The following RGS6 variants were observed in gnomAD, a reference collection of about 807,000 sequenced individuals.
The protein encoded by RGS6 is regulator of G-protein signaling 6.
In RGS6, 30 loss-of-function variants were observed where a neutral mutation model predicts 78.5. The ratio of observed to expected loss-of-function variants is 0.38; its 90% CI spans 0.29 to 0.52. The LOEUF is 0.52. RGS6 is among the 20% of genes least tolerant of loss of function. The pLI is 0.85. For missense variants in RGS6, 495 were observed against 609.7 expected (o/e 0.81, Z 1.98); for synonymous variants, 206 against 206.0 (o/e 1.00, Z 0.00).
the RGS6 span, among the ~76,000 whole-genome samples, chr14:72,590,057 T>C: frequency 6.6e-5 from 10 of 152,322 alleles, no homozygotes; most frequent in African/African-American, 2.2e-4. Flanking sequence ...ACATTAGTAG[T>C]CATCAGAGAA....
intron 2 of RGS6, among the ~76,000 whole-genome samples, chr14:72,112,187 G>C (rs866083616): frequency 6.6e-6 from 1 of 152,172 alleles, no homozygotes; most frequent in Non-Finnish European, 1.5e-5. Flanking sequence ...GGCCCGGGAG[G>C]CTGTCCCAGC....
intron 2 of RGS6, among the ~76,000 whole-genome samples, chr14:72,341,457 A>G (rs1423935650): frequency 6.6e-6 from 1 of 152,194 alleles, no homozygotes; most frequent in Non-Finnish European, 1.5e-5. Context: ...TGTATAATAC[A>G]TATGTATGCA....
intron 2 of RGS6, among the ~76,000 whole-genome samples, chr14:72,164,473 C>T (rs1219941484): frequency 6.6e-6 from 1 of 152,138 alleles, no homozygotes; most frequent in Non-Finnish European, 1.5e-5. Context: ...AGAAATGGCC[C>T]TGGAGTTTGT....
chr14:72,220,237 A>G (rs2046541501), intron 2 of RGS6, among the ~76,000 whole-genome samples: 2 of 152,212 alleles, frequency 1.3e-5, no homozygotes, highest in Non-Finnish European at 2.9e-5. Context: ...CAGAGATGAC[A>G]GCAAATTGAA....
At chr14:72,500,463 A>G (rs746534851) in intron 13 of RGS6, among the ~76,000 whole-genome samples, 15 of 152,266 alleles carry the variant, frequency 9.9e-5, no homozygotes, top group Non-Finnish European at 1.5e-4. Flanking sequence ...AAGATGACCA[A>G]TAAAATAATT....
chr14:72,452,217 A>G (rs2095512205), intron 3 of RGS6, among the ~76,000 whole-genome samples: 1 of 137,050 alleles, frequency 7.3e-6, no homozygotes, highest in Non-Finnish European at 1.5e-5. Context: ...ACACACACAC[A>G]TATTCATTCT....
chr14:72,051,773 G>A (rs1026328925), intron 2 of RGS6, among the ~76,000 whole-genome samples: 1 of 152,216 alleles, frequency 6.6e-6, no homozygotes, highest in Non-Finnish European at 1.5e-5. Flanking sequence ...CTTTTAGTAT[G>A]TGAGCTATAA....
At chr14:71,903,971 C>A in the RGS6 span, among the ~76,000 whole-genome samples, 2 of 152,122 alleles carry the variant, frequency 1.3e-5, no homozygotes, top group African/African-American at 4.8e-5. Flanking sequence ...GGAATACGAA[C>A]AACAAAACAG....
chr14:72,591,921 C>T, the RGS6 span, among the ~76,000 whole-genome samples: 3 of 152,196 alleles, frequency 2.0e-5, no homozygotes, highest in African/African-American at 7.2e-5. Context: ...CTCCCGTCTC[C>T]TCAATAGCCA....
chr14:72,538,208 G>A (rs982552044), intron 16 of RGS6, among the ~76,000 whole-genome samples: 87 of 152,250 alleles, frequency 5.7e-4, no homozygotes, highest in African/African-American at 2.1e-3. Flanking sequence ...GTATTCTTCT[G>A]ATTTCAGGGA....
At chr14:72,380,098 C>G (rs10138180) in intron 3 of RGS6, among the ~76,000 whole-genome samples, 89,164 of 151,714 alleles carry the variant, frequency 0.59, 28,218 homozygotes, top group African/African-American at 0.83. Flanking sequence ...AAATGGTCCC[C>G]AAAAAATCAG....
At position 72,382,913 on chromosome 14, in the gene RGS6, A is replaced by G. The variant is rs181070131; in HGVS notation, c.184+30719A>G. ...ATGCATATTTGGTTAAATGGTAAAA[A>G]TACATACTTGAAAAGGAGGACTAAC... On this transcript the variant is annotated intron_variant, in intron 3 of 17. Transcript: ENST00000553525. 1.8e-3 allele frequency among the ~76,000 whole-genome samples: 276 copies of G among 152,184 alleles called. 2 individuals carry two copies. Among genetic ancestry groups the G allele is most frequent in the East Asian group, 9.7e-4 (5 of 5,176 alleles).
At chr14:72,442,711 A>G (rs1160795655) in intron 3 of RGS6, among the ~76,000 whole-genome samples, 2 of 152,214 alleles carry the variant, frequency 1.3e-5, no homozygotes, top group Admixed American at 6.5e-5. Context: ...CTGCACTTCT[A>G]TCGTATTCTA....
At chr14:71,990,877 T>G (rs1458447459) in intron 2 of RGS6, 2 of 455,840 alleles carry the variant, frequency 4.4e-6, no homozygotes, top group African/African-American at 4.0e-5. Flanking sequence ...AAAACTGTTC[T>G]CCTTCTGAGC....
chr14:72,140,077 A>G (rs529363283), intron 2 of RGS6, among the ~76,000 whole-genome samples: 1 of 150,290 alleles, frequency 6.7e-6, no homozygotes, highest in Non-Finnish European at 1.5e-5. Context: ...ATTTTGATGG[A>G]ATTGGCCCAT....
chr14:72,400,782 A>G (rs1356286579), intron 3 of RGS6, among the ~76,000 whole-genome samples: 1 of 152,222 alleles, frequency 6.6e-6, no homozygotes, highest in African/African-American at 2.4e-5. Flanking sequence ...CTGACAGCCC[A>G]TCCTCCACCT....
At chr14:72,602,858 G>A in the RGS6 span, among the ~76,000 whole-genome samples, 1 of 152,120 alleles carries the variant, frequency 6.6e-6, no homozygotes, top group Non-Finnish European at 1.5e-5. Flanking sequence ...TCCAAAGCTA[G>A]ATCCACGTTG....
chr14:72,329,135 A>C (rs113284081), intron 2 of RGS6, among the ~76,000 whole-genome samples: 28 of 152,288 alleles, frequency 1.8e-4, no homozygotes, highest in African/African-American at 6.7e-4. Context: ...CAGCCTCCCA[A>C]AGTGCTGGGA....
intron 2 of RGS6, among the ~76,000 whole-genome samples, chr14:72,319,665 A>G (rs950603981): frequency 1.3e-5 from 2 of 152,206 alleles, no homozygotes; most frequent in Non-Finnish European, 2.9e-5. Flanking sequence ...CATCACAGAT[A>G]TGAAGATGAT....
Sources: allele counts gnomAD v4.1 joint callset (sites outside exome capture counted in the v4.1 genomes callset), GRCh38; gene constraint gnomAD v4.1.1; transcripts MANE v1.5; gene names NCBI Gene and HGNC (gene_info 2026-07-23, HGNC 2026-07-21).